The following PTPRZ1 variants were observed in gnomAD, a reference collection of about 807,000 sequenced individuals.
PTPRZ1 encodes the protein protein tyrosine phosphatase receptor type Z1.
A neutral mutation model predicts 214.1 loss-of-function variants in PTPRZ1; 82 were observed. The ratio of observed to expected loss-of-function variants is 0.38; its 90% CI spans 0.32 to 0.46. PTPRZ1 has a LOEUF of 0.46. PTPRZ1 is among the 20% of genes least tolerant of loss of function. The pLI is 1.00. For synonymous variants in PTPRZ1, 945 were observed against 987.9 expected, an observed-to-expected ratio of 0.96 and a Z score of 0.81; for missense variants, 2,603 against 2,748.7, an observed-to-expected ratio of 0.95 and a Z score of 1.19.
At position 122,058,845 on chromosome 7, in the gene PTPRZ1, C is replaced by T. The variant is rs1243622331; in HGVS notation, c.6574C>T (p.Pro2192Ser). ...GAGGCACTTTCAGTGTCCTAAATGG[C>T]CAAATCCAGATAGCCCCATTAGTAA... ...EVRHFQCPKWPNPDSPISKTF... is the reference protein window; with the variant it reads ...EVRHFQCPKWSNPDSPISKTF... Residue 2192 changes from proline to serine, a missense_variant, in exon 28 of 30, where the codon CCA becomes TCA. By Grantham distance (74) the Pro-to-Ser change is moderately conservative. Around this residue, in one of 6 missense-constraint regions of PTPRZ1, gnomAD observed 165 missense variants for 151.4 expected, o/e 1.09. Coordinates refer to ENST00000393386, the MANE Select transcript of PTPRZ1 (RefSeq NM_002851.3). 1 of 1,603,064 alleles carries T rather than the reference C, an allele frequency of 6.2e-7. No homozygotes were observed. Among genetic ancestry groups the T allele is most frequent in the East Asian group, 2.2e-5 (1 of 44,768 alleles).
intron 1 of PTPRZ1, among the ~76,000 whole-genome samples, chr7:121,917,730 G>A (rs1224939736): frequency 6.6e-6 from 1 of 151,956 alleles, no homozygotes; most frequent in Non-Finnish European, 1.5e-5. Flanking sequence ...GGAAATACAA[G>A]CAAAGAGATG....
At chr7:121,904,297 C>T (rs1210945459) in intron 1 of PTPRZ1, among the ~76,000 whole-genome samples, 1 of 151,952 alleles carries the variant, frequency 6.6e-6, no homozygotes, top group African/African-American at 2.4e-5. Context: ...TCAAGGACAC[C>T]CCAGAAGGAA....
At chr7:121,929,833 A>C (rs1354728184) in intron 2 of PTPRZ1, among the ~76,000 whole-genome samples, 3 of 147,478 alleles carry the variant, frequency 2.0e-5, no homozygotes. Context: ...ATAAAAAATA[A>C]ATAAATAAAT....
chr7:122,060,063 A>G (rs1000931169), intron 29 of PTPRZ1, among the ~76,000 whole-genome samples, 175 bp downstream of exon 29: 3 of 152,292 alleles, frequency 2.0e-5, no homozygotes, highest in Middle Eastern at 3.4e-3. Context: ...TAAAATTTAT[A>G]CTTCAGAAAA....
chr7:122,013,248 A>T lies in PTPRZ1; in HGVS notation c.4202A>T (p.Glu1401Val). 6.2e-7 allele frequency: 1 copy of T among 1,614,108 alleles called. No individual in the cohort carries two copies. The highest frequency in any genetic ancestry group is 8.5e-7 in the Non-Finnish European group (1 of 1,180,026). ...CTGTTTCCTTCTAAGGCAACTTCTG[A>T]GCTGAGTCATAGTGCCAAATCTGAT... is the stretch of plus-strand genomic sequence containing the variant. ...KLLFPSKATS[E>V]LSHSAKSDAG... Residue 1401 changes from glutamate to valine, a missense_variant, in exon 12 of 30, where the codon GAG becomes GTG. Transcript: ENST00000393386.
chr7:122,027,360 T>C (rs1043585803), intron 13 of PTPRZ1, among the ~76,000 whole-genome samples: 8 of 152,118 alleles, frequency 5.3e-5, no homozygotes, highest in Admixed American at 2.6e-4. Context: ...ATTAAAAAGG[T>C]CTTAAAGCCC....
chr7:122,045,924 C>T (rs551168263), intron 23 of PTPRZ1, among the ~76,000 whole-genome samples: 1 of 151,780 alleles, frequency 6.6e-6, no homozygotes, highest in East Asian at 1.9e-4. Flanking sequence ...GTGTGTGTAC[C>T]ATCCCATAAA....
chr7:122,018,471 AT>A (rs569684133), intron 12 of PTPRZ1, among the ~76,000 whole-genome samples: 12 of 151,942 alleles, frequency 7.9e-5, no homozygotes, highest in African/African-American at 2.9e-4. Flanking sequence ...TTTCAGAAGA[AT>A]TTCTTAGATC....
chr7:121,881,146 A>C (rs1217840695), intron 1 of PTPRZ1, among the ~76,000 whole-genome samples: 2 of 152,160 alleles, frequency 1.3e-5, no homozygotes, highest in Non-Finnish European at 2.9e-5. Flanking sequence ...TAGTGTCTGT[A>C]TAAGAAGAGA....
At chr7:122,046,900 A>G (rs1000527627) in intron 23 of PTPRZ1, among the ~76,000 whole-genome samples, 1 of 152,196 alleles carries the variant, frequency 6.6e-6, no homozygotes, top group African/African-American at 2.4e-5. Context: ...ATTGGATAAA[A>G]TAGCCAATTA....
At chr7:122,004,220 G>A (rs1308199600) in intron 10 of PTPRZ1, among the ~76,000 whole-genome samples, 1 of 152,112 alleles carries the variant, frequency 6.6e-6, no homozygotes, top group Non-Finnish European at 1.5e-5. Flanking sequence ...CCCCAACCAT[G>A]CTTTTATCAG....
intron 1 of PTPRZ1, among the ~76,000 whole-genome samples, chr7:121,886,477 C>G (rs1280711844): frequency 6.6e-6 from 1 of 151,828 alleles, no homozygotes; most frequent in Admixed American, 6.6e-5. Context: ...CACACACACA[C>G]ACACACACAC....
At chr7:121,874,695 A>T (rs1211600245) in intron 1 of PTPRZ1, among the ~76,000 whole-genome samples, 2 of 152,220 alleles carry the variant, frequency 1.3e-5, no homozygotes, top group Admixed American at 1.3e-4. Flanking sequence ...AATTGCCCAT[A>T]GACCCCCACA....
rs183578559 is a variant in PTPRZ1, at chr7:121,910,773, G to T, written c.59-17383G>T. Among the ~76,000 whole-genome samples the T allele has an allele frequency of 2.9e-3, 445 of 152,096 alleles. 2 individuals are homozygous for T. Among genetic ancestry groups the T allele is most frequent in the Non-Finnish European group, 5.4e-3 (368 of 67,966 alleles). ...GCACGATAAATGGAGAGAAGTGAAT[G>T]AATTTGAAATAGGCTTGAACATAAA... On this transcript the variant is annotated intron_variant, in intron 1 of 29. Coordinates refer to ENST00000393386, the MANE Select transcript of PTPRZ1 (RefSeq NM_002851.3).
chr7:122,012,893 G>A lies in PTPRZ1; in HGVS notation c.3847G>A (p.Val1283Ile), dbSNP rs766648148. 9 of 1,614,014 alleles carry A rather than the reference G, an allele frequency of 5.6e-6. No homozygotes were observed. The Middle Eastern group carries it at 4.9e-4, about 88-fold the overall frequency. The change falls in exon 12 of 30, where the codon GTA (valine) becomes ATA (isoleucine). Residue 1283 changes from valine to isoleucine, a missense_variant. Val to Ile is a conservative substitution (Grantham distance 29). Transcript: ENST00000393386. ...AAAAAGTGAAAGTTCCCACCAAGTGGTACCTTCTTTGTACAGTAATGATGA... is the reference window on the plus strand; with the variant it reads ...AAAAAGTGAAAGTTCCCACCAAGTGATACCTTCTTTGTACAGTAATGATGA... ...LLKSESSHQV[V>I]PSLYSNDELF...
At chr7:121,954,617 A>G (rs1796652282) in intron 2 of PTPRZ1, among the ~76,000 whole-genome samples, 1 of 152,198 alleles carries the variant, frequency 6.6e-6, no homozygotes, top group Admixed American at 6.6e-5. Flanking sequence ...TTATATTATA[A>G]TTGACAGTTT....
intron 21 of PTPRZ1, 76 bp from the exon 22 acceptor site, chr7:122,042,532 C>A: frequency 7.2e-7 from 1 of 1,382,554 alleles, no homozygotes; most frequent in Admixed American, 2.5e-5. Context: ...ATCAACATGA[C>A]AACCAGTAGT....
chr7:121,903,964 T>TCACACA (rs200372497), intron 1 of PTPRZ1, among the ~76,000 whole-genome samples: 1,318 of 81,608 alleles, frequency 0.016, 21 homozygotes, highest in African/African-American at 0.068. Flanking sequence ...AGTCTTTAAA[T>TCACACA]CTCACACACA....
chr7:122,000,645 T>TTATA (rs1798288015), intron 10 of PTPRZ1, among the ~76,000 whole-genome samples: 1 of 84,744 alleles, frequency 1.2e-5, no homozygotes, highest in Non-Finnish European at 2.3e-5. Flanking sequence ...TTGATAGATT[T>TTATA]CATATATATA....
Sources: gnomAD v4.1 joint callset for allele counts (sites outside exome capture counted in the v4.1 genomes callset) on GRCh38, gnomAD v4.1.1 for gene constraint, gnomAD v4.1.1 regional missense constraint, MANE v1.5 for transcripts, NCBI Gene and HGNC (gene_info 2026-07-23, HGNC 2026-07-21) for gene names.